Variants in ADAMTSL1 observed in about 807,000 individuals in gnomAD.
The protein encoded by ADAMTSL1 is ADAMTS-like protein 1.
In ADAMTSL1, 126 loss-of-function variants were observed where a neutral mutation model predicts 201.8. The observed-to-expected ratio is 0.62, with a 90% confidence interval of 0.54 to 0.72. The LOEUF (loss-of-function observed/expected upper bound fraction) is 0.72, where lower values mean the gene tolerates loss of function less well. Ranked by LOEUF, ADAMTSL1 falls within the 30% of genes least tolerant of loss-of-function variation. The probability of loss-of-function intolerance (pLI) is 0.00; values close to 1 mark genes in which losing one functional copy is unlikely to be tolerated. For synonymous variants in ADAMTSL1, 1,121 were observed against 903.4 expected (o/e 1.24, Z -4.32); for missense variants, 2,679 against 2,277.8 (o/e 1.18, Z -3.59).
intron 7 of ADAMTSL1, among the ~76,000 whole-genome samples, chr9:18,652,009 T>C (rs1293422132): frequency 6.6e-6 from 1 of 151,984 alleles, no homozygotes; most frequent in Non-Finnish European, 1.5e-5. Flanking sequence ...TATAATGTCA[T>C]TTGGAAGATA....
chr9:18,024,776 T>C (rs1820625055), intron 1 of ADAMTSL1, among the ~76,000 whole-genome samples: 1 of 152,186 alleles, frequency 6.6e-6, no homozygotes, highest in East Asian at 1.9e-4. Context: ...CCTTTGGGCC[T>C]ATACCCAGTA....
At chr9:18,881,905 T>G in intron 23 of ADAMTSL1, among the ~76,000 whole-genome samples, 1 of 152,248 alleles carries the variant, frequency 6.6e-6, no homozygotes, top group East Asian at 1.9e-4. Context: ...GCACGAGGAA[T>G]AGCAGGCTGG....
At chr9:17,917,306 G>T (rs1482920565) in intron 1 of ADAMTSL1, among the ~76,000 whole-genome samples, 1 of 152,076 alleles carries the variant, frequency 6.6e-6, no homozygotes, top group Non-Finnish European at 1.5e-5. Context: ...GAAGTGGTAT[G>T]AACAGATATC....
chr9:18,522,632 T>C (rs1437558668), intron 2 of ADAMTSL1, among the ~76,000 whole-genome samples: 1 of 129,694 alleles, frequency 7.7e-6, no homozygotes, highest in African/African-American at 3.0e-5. Context: ...GATGTTCCCC[T>C]TCCTGTGTCC....
chr9:18,844,644 G>T (rs1399042314), intron 23 of ADAMTSL1, among the ~76,000 whole-genome samples: 1 of 152,226 alleles, frequency 6.6e-6, no homozygotes, highest in Non-Finnish European at 1.5e-5. Flanking sequence ...CCCAGAGGTG[G>T]AGCCTACAGA....
At chr9:18,321,627 A>G (rs1291810275) in intron 2 of ADAMTSL1, among the ~76,000 whole-genome samples, 1 of 152,076 alleles carries the variant, frequency 6.6e-6, no homozygotes, top group Non-Finnish European at 1.5e-5. Flanking sequence ...CCACATCTCT[A>G]CCAGAAACAC....
chr9:18,723,347 G>A (rs1236209506), intron 15 of ADAMTSL1: 2 of 494,644 alleles, frequency 4.0e-6, no homozygotes, highest in East Asian at 7.6e-5. Flanking sequence ...CCACATTCCT[G>A]TGTTGTAACA....
At chr9:18,202,753 G>T (rs563793082) in intron 2 of ADAMTSL1, among the ~76,000 whole-genome samples, 7 of 152,122 alleles carry the variant, frequency 4.6e-5, no homozygotes, top group Non-Finnish European at 7.3e-5. Context: ...CTCCTTGGAG[G>T]CCAGGATAGT....
chr9:18,753,491 C>G lies in ADAMTSL1; in HGVS notation c.2200C>G (p.Pro734Ala). Reference protein sequence around the residue: ...NRFNCPPAWYPAQWQPCSRTC... With the variant: ...NRFNCPPAWYAAQWQPCSRTC... ...CTTTAATTGCCCCCCAGCCTGGTACCCTGCACAGTGGCAGCCGGTGAGTTC... is the reference window on the plus strand; with the variant it reads ...CTTTAATTGCCCCCCAGCCTGGTACGCTGCACAGTGGCAGCCGGTGAGTTC... Residue 734 changes from proline (P) to alanine (A), a missense_variant, in exon 16 of 29, where the codon CCT (proline) becomes GCT (alanine). By Grantham distance (27) the Pro-to-Ala change is conservative. Coordinates refer to ENST00000380548, the MANE Select transcript of ADAMTSL1 (RefSeq NM_001040272.6). The G allele has an allele frequency of 1.9e-6, 3 of 1,612,406 alleles. No individual in the cohort carries two copies. Among genetic ancestry groups the G allele is most frequent in the Non-Finnish European group, 2.5e-6 (3 of 1,179,642 alleles).
Position 18,776,895 on chromosome 9 carries a change from T to G in ADAMTSL1, c.2666T>G (p.Leu889Arg), listed in dbSNP as rs1321232377. ...TTCGTGGTGGGGGGCTTCGCCTACC[T>G]GCTCCCCAAGACGGCGGTGGTGCTG... is the stretch of plus-strand genomic sequence containing the variant. The part of the protein sequence containing the change: ...LHFVVGGFAY[L>R]LPKTAVVLRC... The change falls in exon 19 of 29, where the codon CTG (leucine) becomes CGG (arginine). Residue 889 changes from leucine (L) to arginine (R), a missense_variant. Leu to Arg is a moderately radical substitution (Grantham distance 102, BLOSUM62 -2). Transcript: ENST00000380548. The G allele has an allele frequency of 2.5e-6, 4 of 1,611,132 alleles. No homozygotes were observed.
chr9:18,649,830 G>C (rs972164818), intron 7 of ADAMTSL1, among the ~76,000 whole-genome samples: 8 of 152,144 alleles, frequency 5.3e-5, no homozygotes, highest in Non-Finnish European at 8.8e-5. Flanking sequence ...GGCTTCTTGG[G>C]GGTCAGGGGT....
At chr9:18,890,884 T>TTTGA (rs1554658996) in intron 25 of ADAMTSL1, 19 of 287,392 alleles carry the variant, frequency 6.6e-5, no homozygotes, top group Admixed American at 5.3e-4. Flanking sequence ...CCAGGAACTT[T>TTTGA]CTGACTTGAT....
At chr9:18,787,433 T>C (rs532308049) in intron 19 of ADAMTSL1, among the ~76,000 whole-genome samples, 48 of 152,240 alleles carry the variant, frequency 3.2e-4, no homozygotes, top group African/African-American at 1.1e-3. Flanking sequence ...TTCCCTGAAA[T>C]GCTAGGGGAT....
intron 2 of ADAMTSL1, among the ~76,000 whole-genome samples, chr9:18,409,739 C>T (rs1190110019): frequency 6.7e-6 from 1 of 149,928 alleles, no homozygotes; most frequent in Non-Finnish European, 1.5e-5. Context: ...ATATAAGTAT[C>T]ATGTATATAT....
chr9:18,356,673 G>T (rs1836256733), intron 2 of ADAMTSL1, among the ~76,000 whole-genome samples: 1 of 149,090 alleles, frequency 6.7e-6, no homozygotes, highest in East Asian at 2.0e-4. Context: ...TTTCTAGAAG[G>T]TATTAAAATG....
intron 1 of ADAMTSL1, among the ~76,000 whole-genome samples, chr9:18,140,317 A>G (rs986068784): frequency 1.3e-5 from 2 of 152,284 alleles, no homozygotes; most frequent in South Asian, 2.1e-4. Flanking sequence ...GCCGAGACTC[A>G]GGACTCAGCA....
At chr9:18,663,960 G>C (rs138168703) in intron 9 of ADAMTSL1, among the ~76,000 whole-genome samples, 36 of 152,134 alleles carry the variant, frequency 2.4e-4, no homozygotes, top group African/African-American at 8.4e-4. Flanking sequence ...TCTATGTCCA[G>C]TGTTATTTTA....
chr9:18,182,515 T>C (rs1208969554), intron 2 of ADAMTSL1, among the ~76,000 whole-genome samples: 1 of 152,208 alleles, frequency 6.6e-6, no homozygotes, highest in Non-Finnish European at 1.5e-5. Flanking sequence ...CAACATGTCT[T>C]GTGGCTCTGT....
At chr9:18,728,495 TC>T (rs1290118211) in intron 15 of ADAMTSL1, among the ~76,000 whole-genome samples, 2 of 152,138 alleles carry the variant, frequency 1.3e-5, no homozygotes, top group East Asian at 3.8e-4. Flanking sequence ...ATAACAAGCA[TC>T]TTTGTGTCTG....
Sources: allele counts gnomAD v4.1 joint callset (sites outside exome capture counted in the v4.1 genomes callset), GRCh38; gene constraint gnomAD v4.1.1; transcripts MANE v1.5; gene names NCBI Gene and HGNC (gene_info 2026-07-23, HGNC 2026-07-21).